GALNTL6: variants seen among roughly 807,000 people sequenced by gnomAD.
The protein encoded by GALNTL6 is polypeptide N-acetylgalactosaminyltransferase-like 6.
In GALNTL6, 46 loss-of-function variants were observed where a neutral mutation model predicts 73.7. The observed-to-expected ratio is 0.62, with a 90% CI of 0.49 to 0.80. GALNTL6 has a LOEUF of 0.80. Ranked by LOEUF, GALNTL6 falls within the 30% of genes least tolerant of loss-of-function variation. The probability of loss-of-function intolerance (pLI) is 0.00; values close to 1 mark genes in which losing one functional copy is unlikely to be tolerated. For missense variants in GALNTL6, 604 were observed against 755.0 expected, an observed-to-expected ratio of 0.80 and a Z score of 2.34; for synonymous variants, 259 against 263.7, an observed-to-expected ratio of 0.98 and a Z score of 0.17.
At chr4:171,823,594 T>C (rs1055374952) in intron 2 of GALNTL6, among the ~76,000 whole-genome samples, 3 of 150,770 alleles carry the variant, frequency 2.0e-5, no homozygotes, top group Non-Finnish European at 3.0e-5. Flanking sequence ...CACACACATA[T>C]ATATATATAT....
intron 5 of GALNTL6, among the ~76,000 whole-genome samples, chr4:172,431,050 A>G (rs879735509): frequency 2.0e-5 from 3 of 152,164 alleles, no homozygotes; most frequent in Admixed American, 6.6e-5. Flanking sequence ...TTATTGCATT[A>G]TACTTATTTT....
chr4:172,405,951 T>A (rs569038814), intron 5 of GALNTL6, among the ~76,000 whole-genome samples: 39 of 152,100 alleles, frequency 2.6e-4, no homozygotes, highest in Non-Finnish European at 5.6e-4. Flanking sequence ...TTAATTAATT[T>A]TTCAAATAAA....
chr4:172,550,497 T>A (rs1370084644), intron 5 of GALNTL6, among the ~76,000 whole-genome samples: 4 of 152,232 alleles, frequency 2.6e-5, no homozygotes, highest in Admixed American at 6.5e-5. Context: ...GTTATGTTGC[T>A]TGGGTTGTCA....
chr4:172,375,204 C>T (rs1314338657), intron 5 of GALNTL6, among the ~76,000 whole-genome samples: 2 of 152,132 alleles, frequency 1.3e-5, no homozygotes, highest in Admixed American at 1.3e-4. Context: ...TATTCTCCCT[C>T]AATGAAAAGA....
intron 2 of GALNTL6, among the ~76,000 whole-genome samples, chr4:171,943,427 A>G (rs1738607902): frequency 1.3e-5 from 2 of 152,200 alleles, no homozygotes; most frequent in Non-Finnish European, 2.9e-5. Flanking sequence ...TTGATTGCTG[A>G]AATTCTTCTA....
chr4:172,378,436 CA>C lies in GALNTL6; in HGVS notation c.553+29748del, dbSNP rs1743133467. The stretch of plus-strand genomic sequence containing the variant: ...CTTGTTTAATCTGGAAACAGTTAAG[CA>C]CAAAATTAATGTTAATTAATTCGAT... On this transcript the variant is annotated intron_variant, in intron 5 of 12. Coordinates refer to ENST00000506823, the MANE Select transcript of GALNTL6 (RefSeq NM_001034845.3). Among the ~76,000 whole-genome samples, 4 of 152,086 alleles carry C rather than the reference CA, an allele frequency of 2.6e-5. No individual in the cohort carries two copies. The South Asian group carries it at 6.2e-4, about 24-fold the overall frequency.
intron 5 of GALNTL6, among the ~76,000 whole-genome samples, chr4:172,701,764 T>C (rs1438451325): frequency 6.6e-6 from 1 of 152,182 alleles, no homozygotes; most frequent in East Asian, 1.9e-4. Context: ...GTTTGAACAT[T>C]GTACATTAAT....
chr4:172,590,032 CTT>C (rs1737573604), intron 5 of GALNTL6, among the ~76,000 whole-genome samples: 1 of 152,176 alleles, frequency 6.6e-6, no homozygotes, highest in Admixed American at 6.5e-5. Context: ...TGGTACTTGT[CTT>C]TACTATTACT....
At chr4:172,001,901 G>A (rs1740686488) in intron 2 of GALNTL6, among the ~76,000 whole-genome samples, 1 of 152,104 alleles carries the variant, frequency 6.6e-6, no homozygotes, top group East Asian at 1.9e-4. Flanking sequence ...TAAATTCATA[G>A]CTGTCCCTGC....
chr4:172,456,650 G>A lies in GALNTL6; in HGVS notation c.553+107961G>A, dbSNP rs541537371. Among the ~76,000 whole-genome samples the A allele has an allele frequency of 9.5e-4, 145 of 151,862 alleles. 2 individuals are homozygous for A. Among genetic ancestry groups the A allele is most frequent in the African/African-American group, 3.4e-3 (142 of 41,422 alleles). ...AATAAAGCGTGAAGACAAGATTAGA[G>A]AAAAAATAATGAAAACGAACAAACA... On this transcript the variant is annotated intron_variant, in intron 5 of 12. Coordinates refer to ENST00000506823, the MANE Select transcript of GALNTL6 (RefSeq NM_001034845.3).
chr4:171,842,921 G>T lies in GALNTL6; in HGVS notation c.138+28203G>T, dbSNP rs149193105. ...AATTCATGCCACAAACATCTTAAAA[G>T]GCCTTAGTTGTTGCCTGTTCAACCA... On this transcript the variant is annotated intron_variant, in intron 2 of 12. Transcript: ENST00000506823. Among the ~76,000 whole-genome samples, 367 of 152,100 alleles carry T rather than the reference G, an allele frequency of 2.4e-3. 2 individuals are homozygous for T. The highest frequency in any genetic ancestry group is 8.4e-3 in the African/African-American group (349 of 41,496).
intron 10 of GALNTL6, among the ~76,000 whole-genome samples, chr4:172,970,282 C>T (rs557646971): frequency 4.6e-5 from 7 of 152,150 alleles, no homozygotes; most frequent in South Asian, 2.1e-4. Context: ...AAACAGGGTT[C>T]GAGAGCAGAG....
intron 7 of GALNTL6, among the ~76,000 whole-genome samples, chr4:172,877,590 T>C (rs1745255098): frequency 6.6e-6 from 1 of 151,904 alleles, no homozygotes; most frequent in Non-Finnish European, 1.5e-5. Context: ...AATATAAAAA[T>C]TGCTATAGAA....
intron 7 of GALNTL6, among the ~76,000 whole-genome samples, chr4:172,841,706 T>C (rs1472440304): frequency 3.3e-5 from 5 of 152,090 alleles, no homozygotes; most frequent in Admixed American, 6.5e-5. Context: ...ATCCACTCAC[T>C]ATCGCAAGAA....
intron 2 of GALNTL6, among the ~76,000 whole-genome samples, chr4:171,837,657 A>G (rs1735131937): frequency 6.8e-6 from 1 of 147,234 alleles, no homozygotes; most frequent in South Asian, 2.1e-4. Context: ...ATAATAAATT[A>G]ATAATTAATA....
At chr4:173,021,838 CA>C (rs923542254) in intron 12 of GALNTL6, among the ~76,000 whole-genome samples, 3 of 151,172 alleles carry the variant, frequency 2.0e-5, no homozygotes, top group Non-Finnish European at 4.4e-5. Context: ...ACTGAAAATA[CA>C]AAAAAAAGTC....
chr4:172,710,545 C>G (rs1734639319), intron 5 of GALNTL6, among the ~76,000 whole-genome samples: 1 of 152,132 alleles, frequency 6.6e-6, no homozygotes, highest in Non-Finnish European at 1.5e-5. Context: ...ATGGAAACCT[C>G]AAGCTATTTT....
rs540891015 is a variant in GALNTL6 at position 172,988,000 on chromosome 4, A to G, written c.1372-21178A>G. The stretch of plus-strand genomic sequence containing the variant: ...AGTGAAAGAATGGACTAATACAGAA[A>G]ATTAATACTGGGAGTGGGGCATTGC... On this transcript the variant is annotated intron_variant, in intron 10 of 12. Coordinates refer to ENST00000506823, the MANE Select transcript of GALNTL6 (RefSeq NM_001034845.3). Among the ~76,000 whole-genome samples, 4 of 152,322 alleles carry G rather than the reference A, an allele frequency of 2.6e-5. No homozygotes were observed. The South Asian group carries it at 8.3e-4, about 32-fold the overall frequency.
At chr4:171,842,370 C>G (rs1735259225) in intron 2 of GALNTL6, among the ~76,000 whole-genome samples, 1 of 152,122 alleles carries the variant, frequency 6.6e-6, no homozygotes, top group Non-Finnish European at 1.5e-5. Flanking sequence ...TAATATTTCT[C>G]TGGCCCTCAA....
Sources: allele counts gnomAD v4.1 joint callset (sites outside exome capture counted in the v4.1 genomes callset), GRCh38; gene constraint gnomAD v4.1.1; transcripts MANE v1.5; gene names NCBI Gene and HGNC (gene_info 2026-07-23, HGNC 2026-07-21).